Variants in SLC24A2 observed in about 807,000 individuals in gnomAD.
SLC24A2 encodes solute carrier family 24 member 2.
In SLC24A2, 36 loss-of-function variants were observed where a neutral mutation model predicts 62.0. That is an observed-to-expected ratio of 0.58 (90% confidence interval 0.44 to 0.77). SLC24A2 has a LOEUF of 0.77. SLC24A2 is among the 30% of genes least tolerant of loss of function. SLC24A2 has a pLI of 0.00. For synonymous variants in SLC24A2, 358 were observed against 294.0 expected, an observed-to-expected ratio of 1.22 and a Z score of -2.23; for missense variants, 846 against 817.9, an observed-to-expected ratio of 1.03 and a Z score of -0.42.
the SLC24A2 span, among the ~76,000 whole-genome samples, chr9:20,233,368 T>C: frequency 6.6e-6 from 1 of 152,112 alleles, no homozygotes; most frequent in Non-Finnish European, 1.5e-5. Context: ...TCTAAGTCTC[T>C]TTGTAGGTCA....
At chr9:19,939,411 AATG>A in the SLC24A2 span, among the ~76,000 whole-genome samples, 1 of 152,238 alleles carries the variant, frequency 6.6e-6, no homozygotes, top group Admixed American at 6.5e-5. Context: ...ATTGTAACAC[AATG>A]ATGAGTATTT....
chr9:19,577,228 T>C (rs1170625749), intron 5 of SLC24A2, among the ~76,000 whole-genome samples: 1 of 152,080 alleles, frequency 6.6e-6, no homozygotes, highest in Non-Finnish European at 1.5e-5. Context: ...GAGAATCTCT[T>C]CCCTCCCTTC....
intron 2 of SLC24A2, among the ~76,000 whole-genome samples, chr9:19,668,050 G>C (rs768876146): frequency 4.6e-5 from 7 of 151,944 alleles, no homozygotes; most frequent in African/African-American, 9.7e-5. Flanking sequence ...TGGCCACATT[G>C]GAAGCTCCTT....
rs1459027141 is a variant in SLC24A2, at chr9:19,510,536, G to C, written c.*5617C>G. ...TTGATGCTGATGGTTGTTAATCATT[G>C]AGCTGGGTCACACCAGCATCTATGC... On this transcript the variant is annotated 3_prime_UTR_variant, in exon 11 of 11. Transcript: ENST00000341998. 1.3e-5 allele frequency: 2 copies of C among 150,720 alleles called. No individual in the cohort carries two copies. The highest frequency in any genetic ancestry group is 3.0e-5 in the Non-Finnish European group (2 of 67,760). The allele number at this position is 150,720 out of a possible 1,614,324, so 9.3% of individuals were successfully genotyped here. A position where few individuals can be genotyped will look rare whatever the true frequency, so the allele number is the denominator to read the frequency against.
chr9:19,546,162 C>A (rs541245430), intron 8 of SLC24A2, among the ~76,000 whole-genome samples: 5 of 152,196 alleles, frequency 3.3e-5, no homozygotes, highest in African/African-American at 1.2e-4. Flanking sequence ...GAGCTGTCTC[C>A]CAGTCAGTAC....
chr9:19,859,707 C>G, the SLC24A2 span, among the ~76,000 whole-genome samples: 3 of 152,176 alleles, frequency 2.0e-5, no homozygotes, highest in African/African-American at 4.8e-5. Context: ...GTACAAAAAA[C>G]AGTCTGAAAT....
At chr9:20,075,763 A>G in the SLC24A2 span, among the ~76,000 whole-genome samples, 1 of 152,286 alleles carries the variant, frequency 6.6e-6, no homozygotes, top group Middle Eastern at 3.4e-3. Context: ...CACTGCTGGA[A>G]AAAAATGGCC....
At chr9:19,566,893 A>G (rs1835673238) in intron 7 of SLC24A2, among the ~76,000 whole-genome samples, 2 of 148,266 alleles carry the variant, frequency 1.3e-5, no homozygotes, top group Non-Finnish European at 3.0e-5. Context: ...TCTCACTCAT[A>G]GGTGGAAATT....
At chr9:20,128,853 A>AG in the SLC24A2 span, among the ~76,000 whole-genome samples, 1 of 152,092 alleles carries the variant, frequency 6.6e-6, no homozygotes, top group Admixed American at 6.6e-5. Flanking sequence ...AAGAATATAT[A>AG]GGGGTATATC....
At chr9:20,231,301 C>T in the SLC24A2 span, among the ~76,000 whole-genome samples, 1,010 of 152,222 alleles carry the variant, frequency 6.6e-3, 12 homozygotes, top group East Asian at 0.028. Context: ...GGGGATGGCA[C>T]TGAATCTATA....
At chr9:19,930,959 C>A in the SLC24A2 span, among the ~76,000 whole-genome samples, 1 of 152,204 alleles carries the variant, frequency 6.6e-6, no homozygotes, top group African/African-American at 2.4e-5. Context: ...ATTACTAAAC[C>A]TTTGTGCTTC....
At chr9:19,904,811 C>G in the SLC24A2 span, among the ~76,000 whole-genome samples, 5 of 152,126 alleles carry the variant, frequency 3.3e-5, no homozygotes, top group Admixed American at 2.6e-4. Context: ...GGAGATGCAG[C>G]TTAAAGCTGA....
the SLC24A2 span, among the ~76,000 whole-genome samples, chr9:19,985,697 C>A: frequency 6.6e-6 from 1 of 152,160 alleles, no homozygotes; most frequent in South Asian, 2.1e-4. Flanking sequence ...TGTGTCAAAT[C>A]TTACACAAAA....
At chr9:19,728,336 G>T (rs1368949702) in intron 2 of SLC24A2, among the ~76,000 whole-genome samples, 1 of 151,628 alleles carries the variant, frequency 6.6e-6, no homozygotes, top group Non-Finnish European at 1.5e-5. Context: ...ACTCCCAGCT[G>T]GATAACTTCA....
At chr9:20,034,576 G>C in the SLC24A2 span, among the ~76,000 whole-genome samples, 1 of 146,240 alleles carries the variant, frequency 6.8e-6, no homozygotes, top group Non-Finnish European at 1.5e-5. Context: ...ACTCCATTCT[G>C]CTGCCTCAGC....
chr9:19,849,803 C>CA, the SLC24A2 span, among the ~76,000 whole-genome samples: 3 of 151,920 alleles, frequency 2.0e-5, no homozygotes, highest in African/African-American at 7.3e-5. Context: ...ATGCAAAGAC[C>CA]AAAACACTGA....
intron 2 of SLC24A2, among the ~76,000 whole-genome samples, chr9:19,633,121 T>C (rs370188009): frequency 6.6e-6 from 1 of 152,240 alleles, no homozygotes; most frequent in South Asian, 2.1e-4. Flanking sequence ...GTCTAAGTTA[T>C]TGTATGTATC....
intron 9 of SLC24A2, among the ~76,000 whole-genome samples, chr9:19,521,930 G>C (rs1236410693): frequency 6.6e-6 from 1 of 150,768 alleles, no homozygotes. Context: ...TTCTATTTTG[G>C]AAGGTTGGTC....
chr9:20,193,344 G>T, the SLC24A2 span, among the ~76,000 whole-genome samples: 1 of 151,970 alleles, frequency 6.6e-6, no homozygotes, highest in South Asian at 2.1e-4. Context: ...AATGGTACCT[G>T]GCTAGAGTTT....
Sources: gnomAD v4.1 joint callset for allele counts (sites outside exome capture counted in the v4.1 genomes callset) on GRCh38, gnomAD v4.1.1 for gene constraint, MANE v1.5 for transcripts, NCBI Gene and HGNC (gene_info 2026-07-23, HGNC 2026-07-21) for gene names.